The following ADAMTS20 variants were observed in gnomAD, a reference collection of about 807,000 sequenced individuals.
ADAMTS20 encodes A disintegrin and metalloproteinase with thrombospondin motifs 20.
In ADAMTS20, 225 loss-of-function variants were observed where a neutral mutation model predicts 260.1. The observed-to-expected ratio is 0.87, with a 90% confidence interval of 0.78 to 0.97. ADAMTS20 has a LOEUF of 0.97. Ranked by LOEUF, ADAMTS20 falls within the 50% of genes least tolerant of loss-of-function variation. The pLI, the probability that ADAMTS20 is intolerant of heterozygous loss-of-function variation, is 0.00. For synonymous variants in ADAMTS20, 802 were observed against 769.5 expected (o/e 1.04, Z -0.70); for missense variants, 2,400 against 2,337.7 (o/e 1.03, Z -0.55).
intron 29 of ADAMTS20, among the ~76,000 whole-genome samples, chr12:43,398,150 T>C (rs1940741156): frequency 6.6e-6 from 1 of 152,178 alleles, no homozygotes; most frequent in African/African-American, 2.4e-5. Context: ...GAGGTACTAC[T>C]GAGAGCAGCC....
At chr12:43,374,687 T>C (rs1565670158) in intron 36 of ADAMTS20, among the ~76,000 whole-genome samples, 1 of 152,192 alleles carries the variant, frequency 6.6e-6, no homozygotes, top group Non-Finnish European at 1.5e-5. Flanking sequence ...AATGAGATAA[T>C]GTATGGGAAA....
intron 29 of ADAMTS20, among the ~76,000 whole-genome samples, chr12:43,387,359 G>A (rs1441681524): frequency 2.0e-5 from 3 of 152,178 alleles, no homozygotes; most frequent in Non-Finnish European, 2.9e-5. Flanking sequence ...CCATCCTCTG[G>A]AAGTTTTGTC....
At chr12:43,537,825 C>A (rs1358695475) in intron 2 of ADAMTS20, among the ~76,000 whole-genome samples, 1 of 152,154 alleles carries the variant, frequency 6.6e-6, no homozygotes, top group Non-Finnish European at 1.5e-5. Context: ...ATTCCATCCC[C>A]ATTGTTAGAA....
intron 4 of ADAMTS20, among the ~76,000 whole-genome samples, chr12:43,493,765 C>T (rs113828679): frequency 6.6e-6 from 1 of 152,170 alleles, no homozygotes; most frequent in African/African-American, 2.4e-5. Context: ...TGATAGTTCA[C>T]CTAATCTTTC....
intron 15 of ADAMTS20, among the ~76,000 whole-genome samples, chr12:43,445,864 T>C (rs2137337537): frequency 6.6e-6 from 1 of 152,052 alleles, no homozygotes; most frequent in South Asian, 2.1e-4. Context: ...AATAAATAAA[T>C]GAATAAATAA....
At chr12:43,488,443 T>C (rs1942555209) in intron 7 of ADAMTS20, among the ~76,000 whole-genome samples, 1 of 152,168 alleles carries the variant, frequency 6.6e-6, no homozygotes, top group African/African-American at 2.4e-5. Flanking sequence ...TTCCACTGCC[T>C]TGTTGAATTT....
chr12:43,536,862 T>C (rs938071462), intron 2 of ADAMTS20, among the ~76,000 whole-genome samples: 5 of 152,182 alleles, frequency 3.3e-5, no homozygotes, highest in African/African-American at 2.4e-5. Context: ...TTTAAAACTT[T>C]GCACTTTTCC....
chr12:43,442,807 A>G (rs917338585), intron 16 of ADAMTS20, among the ~76,000 whole-genome samples: 1 of 152,214 alleles, frequency 6.6e-6, no homozygotes, highest in Non-Finnish European at 1.5e-5. Context: ...TATTGAGGTG[A>G]AACTGATATA....
At chr12:43,387,567 A>T (rs979805235) in intron 29 of ADAMTS20, among the ~76,000 whole-genome samples, 3 of 152,160 alleles carry the variant, frequency 2.0e-5, no homozygotes, top group Admixed American at 6.5e-5. Flanking sequence ...AGGAACATTT[A>T]AGTCTGCTGA....
At chr12:43,505,458 A>T (rs556582514) in intron 3 of ADAMTS20, among the ~76,000 whole-genome samples, 13 of 152,324 alleles carry the variant, frequency 8.5e-5, no homozygotes, top group African/African-American at 2.4e-4. Context: ...AAACAACCTG[A>T]TTAAAAATGA....
At chr12:43,457,793 G>T (rs1050848606) in intron 11 of ADAMTS20, among the ~76,000 whole-genome samples, 2 of 152,194 alleles carry the variant, frequency 1.3e-5, no homozygotes, top group African/African-American at 4.8e-5. Flanking sequence ...TAGCTAAGTA[G>T]ATGTCTGTTT....
intron 3 of ADAMTS20, among the ~76,000 whole-genome samples, chr12:43,527,857 G>T (rs1156653643): frequency 6.6e-6 from 1 of 151,552 alleles, no homozygotes; most frequent in African/African-American, 2.4e-5. Context: ...GCAAGAGAAA[G>T]AAATAAAGGG....
chr12:43,488,459 T>G (rs1234003685), intron 7 of ADAMTS20, among the ~76,000 whole-genome samples: 1 of 152,172 alleles, frequency 6.6e-6, no homozygotes, highest in African/African-American at 2.4e-5. Flanking sequence ...AATTTCTCAC[T>G]GTATCGCATG....
intron 7 of ADAMTS20, among the ~76,000 whole-genome samples, chr12:43,471,027 G>T (rs555811795): frequency 2.0e-5 from 3 of 152,258 alleles, no homozygotes; most frequent in South Asian, 4.1e-4. Context: ...AGCTCCCAGC[G>T]TGAGCGACGC....
In ADAMTS20 at chr12:43,375,419, G is replaced by A; in HGVS notation, c.5406C>T (p.Phe1802=). The A allele has an allele frequency of 6.2e-7, 1 of 1,613,654 alleles. No homozygotes were observed. Among genetic ancestry groups the A allele is most frequent in the Non-Finnish European group, 8.5e-7 (1 of 1,179,764 alleles). The change falls in exon 36 of 39, where the codon TTC becomes TTT. Residue 1802 remains phenylalanine, a synonymous_variant. Transcript: ENST00000389420. ...NGHLAAGYTV[F]SKIRIDLTSM... ...AAGTGAGATCAATTCTTATTTTGCT[G>A]AAAACAGTGTATCCAGCAGCTAAGT...
At chr12:43,408,918 A>G (rs945936911) in intron 28 of ADAMTS20, among the ~76,000 whole-genome samples, 48 of 151,920 alleles carry the variant, frequency 3.2e-4, no homozygotes, top group African/African-American at 1.1e-3. Context: ...TGATAATAAT[A>G]ACACTTACAT....
intron 7 of ADAMTS20, among the ~76,000 whole-genome samples, chr12:43,477,165 T>G (rs1404588655): frequency 2.6e-5 from 4 of 151,978 alleles, no homozygotes; most frequent in African/African-American, 9.7e-5. Context: ...TCATTATAAT[T>G]TATGTACACA....
At chr12:43,487,293 T>G (rs1942537457) in intron 7 of ADAMTS20, among the ~76,000 whole-genome samples, 1 of 152,150 alleles carries the variant, frequency 6.6e-6, no homozygotes, top group South Asian at 2.1e-4. Flanking sequence ...CTGGAGGCAT[T>G]ACTCTAAGTG....
intron 37 of ADAMTS20, among the ~76,000 whole-genome samples, chr12:43,364,634 C>A (rs377586065): frequency 1.3e-5 from 2 of 151,636 alleles, no homozygotes; most frequent in Non-Finnish European, 2.9e-5. Flanking sequence ...TAGTAGAATT[C>A]GCAAACTTAA....
Sources: gnomAD v4.1 joint callset for allele counts (sites outside exome capture counted in the v4.1 genomes callset) on GRCh38, gnomAD v4.1.1 for gene constraint, MANE v1.5 for transcripts, NCBI Gene and HGNC (gene_info 2026-07-23, HGNC 2026-07-21) for gene names.